BCL2: variants seen among roughly 807,000 people sequenced by gnomAD.
BCL2 encodes apoptosis regulator Bcl-2.
BCL2 carries 1 observed loss-of-function variant against 14.2 expected under a neutral mutation model. The ratio of observed to expected loss-of-function variants is 0.07; its 90% CI spans 0.02 to 0.33. BCL2 has a LOEUF of 0.33. Ranked by LOEUF, BCL2 falls within the 10% of genes least tolerant of loss-of-function variation. The pLI, the probability that BCL2 is intolerant of heterozygous loss-of-function variation, is 0.99. For missense variants in BCL2, 247 were observed against 305.9 expected (o/e 0.81, Z 1.44); for synonymous variants, 151 against 137.2 (o/e 1.10, Z -0.70).
Position 63,318,008 on chromosome 18 carries a change from G to A in BCL2, c.585+74C>T, listed in dbSNP as rs1341537086. On this transcript the variant is annotated intron_variant, in intron 2 of 2. Transcript: ENST00000333681. The surrounding 1 kb of genome is among the most constrained non-coding windows in gnomAD (Gnocchi z 7.4). ...TCCACAGCCTCCCATTGCCCCAGGA[G>A]CCCACCCGCACTCCAACCCCCGCAT... 4 of 1,552,890 alleles carry A rather than the reference G, an allele frequency of 2.6e-6. No homozygotes were observed. The highest frequency in any genetic ancestry group is 3.5e-6 in the Non-Finnish European group (4 of 1,145,144).
At position 63,319,614 on chromosome 18, in the gene BCL2, A is replaced by C. The variant is rs1441334495; in HGVS notation, c.-727T>G. The stretch of plus-strand genomic sequence containing the variant: ...GAGAGACAGGGGAGAGGGGACGATG[A>C]AGGAGCCGGGGACGGAGGCAGGAAT... On this transcript the variant is annotated 5_prime_UTR_variant, in exon 1 of 3. Coordinates refer to ENST00000333681, the MANE Select transcript of BCL2 (RefSeq NM_000633.3). 1.3e-5 allele frequency: 3 copies of C among 224,608 alleles called. No individual in the cohort carries two copies. Among genetic ancestry groups the C allele is most frequent in the Non-Finnish European group, 1.8e-5 (2 of 112,734 alleles). 13.9% of individuals were successfully genotyped at this position (224,608 alleles called of 1,614,324 possible).
intron 2 of BCL2, among the ~76,000 whole-genome samples, chr18:63,291,454 T>C (rs897096640): frequency 1.3e-5 from 2 of 152,232 alleles, no homozygotes; most frequent in Non-Finnish European, 2.9e-5. Flanking sequence ...TACCTTCAGA[T>C]ATGCCTGATG....
intron 2 of BCL2, among the ~76,000 whole-genome samples, chr18:63,221,902 C>G (rs922799485): frequency 5.3e-5 from 8 of 152,170 alleles, no homozygotes; most frequent in African/African-American, 1.9e-4. Context: ...GTTCTAGGAT[C>G]ATTGAAAGTC....
At chr18:63,231,895 G>C (rs1910698077) in intron 2 of BCL2, among the ~76,000 whole-genome samples, 1 of 151,928 alleles carries the variant, frequency 6.6e-6, no homozygotes. Context: ...GAATAATATG[G>C]GGACTTGTCC....
At chr18:63,267,128 C>T (rs1911855245) in intron 2 of BCL2, among the ~76,000 whole-genome samples, 1 of 152,118 alleles carries the variant, frequency 6.6e-6, no homozygotes, top group Non-Finnish European at 1.5e-5. Context: ...GGGCAGGGGA[C>T]AGCACGATGC....
chr18:63,247,286 C>G (rs762992610), intron 2 of BCL2, among the ~76,000 whole-genome samples: 1 of 151,836 alleles, frequency 6.6e-6, no homozygotes, highest in Non-Finnish European at 1.5e-5. Flanking sequence ...GCAACCTCCC[C>G]CTCCCAAGTT....
At chr18:63,234,996 G>A (rs775256554) in intron 2 of BCL2, among the ~76,000 whole-genome samples, 4 of 152,018 alleles carry the variant, frequency 2.6e-5, no homozygotes, top group Non-Finnish European at 4.4e-5. Context: ...AAGAAACAAC[G>A]AACCAATAGA....
intron 2 of BCL2, among the ~76,000 whole-genome samples, chr18:63,219,394 CAGGGATCTTCTCT>C (rs1910316692): frequency 6.6e-6 from 1 of 151,196 alleles, no homozygotes; most frequent in Non-Finnish European, 1.5e-5. Context: ...TTCTGGAGGG[CAGGGATCTTCTCT>C]ATTTTTCTTT....
At chr18:63,204,944 TA>T (rs1014712331) in intron 2 of BCL2, among the ~76,000 whole-genome samples, 23 of 152,182 alleles carry the variant, frequency 1.5e-4, no homozygotes, top group Non-Finnish European at 3.2e-4. Flanking sequence ...GCTGGATATA[TA>T]CTCAAGAAAT....
intron 2 of BCL2, among the ~76,000 whole-genome samples, chr18:63,190,553 G>A (rs908816613): frequency 1.3e-5 from 2 of 152,148 alleles, no homozygotes; most frequent in African/African-American, 4.8e-5. Context: ...AGATGGCAGG[G>A]ACACAACTGC....
intron 2 of BCL2, among the ~76,000 whole-genome samples, chr18:63,284,465 C>T (rs1912407348): frequency 6.6e-6 from 1 of 152,182 alleles, no homozygotes; most frequent in Admixed American, 6.5e-5. Context: ...AGTCCTATTC[C>T]TAAGATCTGA....
chr18:63,280,306 A>G (rs1331315660), intron 2 of BCL2, among the ~76,000 whole-genome samples: 1 of 152,224 alleles, frequency 6.6e-6, no homozygotes, highest in Non-Finnish European at 1.5e-5. Context: ...CGTATCTATT[A>G]AATGAAGGTG....
chr18:63,223,832 T>C (rs1474546653), intron 2 of BCL2, among the ~76,000 whole-genome samples: 1 of 152,196 alleles, frequency 6.6e-6, no homozygotes, highest in African/African-American at 2.4e-5. Flanking sequence ...TCCTCAGAGC[T>C]TTCAATACAT....
rs34811186 is a variant in BCL2 at position 63,124,643 on chromosome 18, TA to T, written c.*3981del. 1.8e-3 allele frequency: 392 copies of T among 213,190 alleles called. No homozygotes were observed. Among genetic ancestry groups the T allele is most frequent in the African/African-American group, 6.7e-3 (297 of 44,224 alleles). The allele number at this position is 213,190 out of a possible 1,614,324, so 13.2% of individuals were successfully genotyped here. On this transcript the variant is annotated 3_prime_UTR_variant, in exon 3 of 3. Transcript: ENST00000333681. ...AAATGTCCTTTGTCCCATAATAATTTAAAAAAAAAATCCCTGAAAGATCCAA... is the reference window on the plus strand; with the variant it reads ...AAATGTCCTTTGTCCCATAATAATTTAAAAAAAAATCCCTGAAAGATCCAA...
chr18:63,178,202 A>T (rs548036401), intron 2 of BCL2, among the ~76,000 whole-genome samples: 1 of 152,250 alleles, frequency 6.6e-6, no homozygotes, highest in Non-Finnish European at 1.5e-5. Flanking sequence ...CGCGTAAGGG[A>T]TTTTGCCAAT....
chr18:63,142,014 C>T (rs1914378994), intron 2 of BCL2, among the ~76,000 whole-genome samples: 1 of 152,070 alleles, frequency 6.6e-6, no homozygotes, highest in African/African-American at 2.4e-5. Context: ...TGCAGCTTGG[C>T]CTAATCGCTG....
intron 2 of BCL2, among the ~76,000 whole-genome samples, chr18:63,212,101 G>A (rs1488941463): frequency 6.6e-6 from 1 of 152,106 alleles, no homozygotes; most frequent in Admixed American, 6.6e-5. Flanking sequence ...GCTGAGGCAG[G>A]TGGATCACAA....
rs190818227 is a variant in BCL2 at position 63,241,849 on chromosome 18, C to G, written c.585+76233G>C. Among the ~76,000 whole-genome samples, 7 of 152,314 alleles carry G rather than the reference C, an allele frequency of 4.6e-5. No individual in the cohort carries two copies. The South Asian group carries it at 1.2e-3, about 27-fold the overall frequency. On this transcript the variant is annotated intron_variant, in intron 2 of 2. Coordinates refer to ENST00000333681, the MANE Select transcript of BCL2 (RefSeq NM_000633.3). ...CATTACTCTTGTCTCGCTATCAGGT[C>G]ACCTTTCGTAAAAAATACAACTTTG...
At position 63,265,371 on chromosome 18, in the gene BCL2, G is replaced by A. The variant is rs1437243238; in HGVS notation, c.585+52711C>T. Among the ~76,000 whole-genome samples the A allele has an allele frequency of 7.2e-5, 11 of 152,296 alleles. No homozygotes were observed. In the East Asian group the frequency reaches 2.1e-3, roughly 29 times the overall value. On this transcript the variant is annotated intron_variant, in intron 2 of 2. Coordinates refer to ENST00000333681, the MANE Select transcript of BCL2 (RefSeq NM_000633.3). Reference sequence around the variant, plus strand: ...TGGTATGTGATCTTCATAGTCACCTGTAACCCTGGGATATAGATATTACTA... The same window carrying A: ...TGGTATGTGATCTTCATAGTCACCTATAACCCTGGGATATAGATATTACTA...
Sources: gnomAD v4.1 joint callset for allele counts (sites outside exome capture counted in the v4.1 genomes callset) on GRCh38, gnomAD v4.1.1 for gene constraint, Gnocchi (gnomAD v3.1) non-coding constraint, MANE v1.5 for transcripts, NCBI Gene and HGNC (gene_info 2026-07-23, HGNC 2026-07-21) for gene names.